Variants in P2RX3 observed in about 807,000 individuals in gnomAD.
P2RX3 encodes P2X purinoceptor 3.
P2RX3 carries 41 observed loss-of-function variants against 51.5 expected under a neutral mutation model. That is an observed-to-expected ratio of 0.80 (90% CI 0.62 to 1.03). The LOEUF is 1.03. P2RX3 is among the 50% of genes least tolerant of loss of function. The pLI, the probability that P2RX3 is intolerant of heterozygous loss-of-function variation, is 0.00. For missense variants in P2RX3, 459 were observed against 522.1 expected, an observed-to-expected ratio of 0.88 and a Z score of 1.18; for synonymous variants, 185 against 191.6, an observed-to-expected ratio of 0.97 and a Z score of 0.29.
rs180875063 is a variant in P2RX3, at chr11:57,371,301, C to A, written c.*1304C>A. Among the ~76,000 whole-genome samples, 89 of 152,354 alleles carry A rather than the reference C, an allele frequency of 5.8e-4. No homozygotes were observed. Among genetic ancestry groups the A allele is most frequent in the Admixed American group, 3.5e-3 (53 of 15,310 alleles). ...AGGTTTTGTGAATCCTAAGCATATA[C>A]AATTTGGGGGCATCTCTTTAGAAAG... On this transcript the variant is annotated 3_prime_UTR_variant, in exon 12 of 12. Coordinates refer to ENST00000263314, the MANE Select transcript of P2RX3 (RefSeq NM_002559.5).
At chr11:57,342,584 A>C (rs1272830831) in intron 1 of P2RX3, among the ~76,000 whole-genome samples, 1 of 152,040 alleles carries the variant, frequency 6.6e-6, no homozygotes, top group Non-Finnish European at 1.5e-5. Flanking sequence ...ACCAACTAGG[A>C]GAGGGCCTCC....
chr11:57,347,024 C>T, intron 2 of P2RX3, 92 bp from the exon 3 acceptor site: 1 of 1,324,648 alleles, frequency 7.5e-7, no homozygotes, highest in Non-Finnish European at 1.1e-6. Flanking sequence ...GCCTTGCTTT[C>T]CTCATCTGTA....
At position 57,346,541 on chromosome 11, in the gene P2RX3, C is replaced by T. The variant is rs779782043; in HGVS notation, c.120-3C>T. ...TCTCTTCATTTATGCTCTCCTGCCCCAGGTGGGTTTTCTTGCACGAGAAGG... is the reference window on the plus strand; with the variant it reads ...TCTCTTCATTTATGCTCTCCTGCCCTAGGTGGGTTTTCTTGCACGAGAAGG... On this transcript the variant is annotated splice_polypyrimidine_tract_variant and splice_region_variant and intron_variant, in intron 1 of 11. Coordinates refer to ENST00000263314, the MANE Select transcript of P2RX3 (RefSeq NM_002559.5). 3 of 1,614,002 alleles carry T rather than the reference C, an allele frequency of 1.9e-6. No individual in the cohort carries two copies. Among genetic ancestry groups the T allele is most frequent in the Non-Finnish European group, 2.5e-6 (3 of 1,179,960 alleles).
intron 1 of P2RX3, among the ~76,000 whole-genome samples, chr11:57,346,261 A>G (rs1856429394): frequency 6.6e-6 from 1 of 152,246 alleles, no homozygotes; most frequent in Non-Finnish European, 1.5e-5. Flanking sequence ...TGCATACAGT[A>G]CATAAACAGA....
intron 10 of P2RX3, among the ~76,000 whole-genome samples, chr11:57,368,845 T>G (rs1379173934): frequency 6.6e-6 from 1 of 152,154 alleles, no homozygotes; most frequent in Non-Finnish European, 1.5e-5. Flanking sequence ...GTCCTCTCTC[T>G]GTGCAGCTGT....
rs547176700 is a variant in P2RX3 at position 57,350,035 on chromosome 11, A to G, written c.705+137A>G. 8.1e-6 allele frequency: 11 copies of G among 1,353,830 alleles called. No individual in the cohort carries two copies. The East Asian group carries it at 1.8e-4, about 22-fold the overall frequency. 83.9% of individuals were successfully genotyped at this position (1,353,830 alleles called of 1,614,324 possible). On this transcript the variant is annotated intron_variant, in intron 7 of 11. Coordinates refer to ENST00000263314, the MANE Select transcript of P2RX3 (RefSeq NM_002559.5). Reference sequence around the variant, plus strand: ...CCTGGTGGAAGCATCCCAGGCCGCCACTGGCTTTGTGCCTGAATCCTTTCT... The same window carrying G: ...CCTGGTGGAAGCATCCCAGGCCGCCGCTGGCTTTGTGCCTGAATCCTTTCT...
chr11:57,350,938 C>A (rs376638991), intron 8 of P2RX3, 40 bp downstream of exon 8: 3 of 1,613,262 alleles, frequency 1.9e-6, no homozygotes, highest in Non-Finnish European at 1.7e-6. Context: ...GAAGAAGGTG[C>A]GGGCTGTTAA....
upstream of P2RX3, among the ~76,000 whole-genome samples, chr11:57,336,750 G>A (rs1313462344): frequency 6.6e-6 from 1 of 152,130 alleles, no homozygotes; most frequent in Non-Finnish European, 1.5e-5. Context: ...CCTACATGAA[G>A]ACATTAGTAC....
At chr11:57,352,629 GT>G in intron 8 of P2RX3, among the ~76,000 whole-genome samples, 1 of 152,288 alleles carries the variant, frequency 6.6e-6, no homozygotes, top group South Asian at 2.1e-4. Context: ...ATATCGTACA[GT>G]TTTAGAACAG....
intron 8 of P2RX3, among the ~76,000 whole-genome samples, chr11:57,358,359 A>G (rs1389359057): frequency 6.6e-6 from 1 of 152,228 alleles, no homozygotes; most frequent in African/African-American, 2.4e-5. Flanking sequence ...TTTGTGGCGA[A>G]TACAGAGATG....
chr11:57,367,268 C>T (rs1266718311), intron 8 of P2RX3, among the ~76,000 whole-genome samples: 2 of 152,136 alleles, frequency 1.3e-5, no homozygotes, highest in Non-Finnish European at 2.9e-5. Flanking sequence ...ACTGGCCCAA[C>T]GTTGCACAGT....
At chr11:57,367,963 G>A (rs1272548030) in intron 8 of P2RX3, 46 bp from the exon 9 acceptor site, 2 of 1,485,544 alleles carry the variant, frequency 1.3e-6, no homozygotes, top group Non-Finnish European at 1.9e-6. Flanking sequence ...TCAGGCAGGA[G>A]AGACAGGATC....
chr11:57,344,149 GA>G (rs1856391177), intron 1 of P2RX3, among the ~76,000 whole-genome samples: 1 of 152,220 alleles, frequency 6.6e-6, no homozygotes, highest in Non-Finnish European at 1.5e-5. Context: ...CGTTAATCAG[GA>G]TGCCGCCTGC....
chr11:57,355,416 C>A (rs1038347312), intron 8 of P2RX3, among the ~76,000 whole-genome samples: 2 of 145,114 alleles, frequency 1.4e-5, no homozygotes, highest in South Asian at 2.2e-4. Context: ...TCTCGGCTCA[C>A]TGCAACCTCT....
At chr11:57,355,639 C>T (rs1038463364) in intron 8 of P2RX3, among the ~76,000 whole-genome samples, 1 of 152,126 alleles carries the variant, frequency 6.6e-6, no homozygotes, top group Non-Finnish European at 1.5e-5. Context: ...CCACGCCTAG[C>T]CAGGTTATTT....
chr11:57,367,065 G>A (rs370572558), intron 8 of P2RX3, among the ~76,000 whole-genome samples: 4 of 151,496 alleles, frequency 2.6e-5, no homozygotes, highest in South Asian at 4.1e-4. Context: ...TAGTCTGAAA[G>A]CACCTTTCAA....
intron 8 of P2RX3, among the ~76,000 whole-genome samples, chr11:57,367,296 A>G (rs1253000566): frequency 6.6e-6 from 1 of 152,254 alleles, no homozygotes; most frequent in African/African-American, 2.4e-5. Context: ...CGGCAGAGCC[A>G]GGCTTTGAGC....
chr11:57,350,933 A>AGGTGCG, intron 8 of P2RX3, 35 bp downstream of exon 8: 1 of 1,613,782 alleles, frequency 6.2e-7, no homozygotes, highest in Non-Finnish European at 8.5e-7. Context: ...CAGGAGAAGA[A>AGGTGCG]GGTGCGGGCT....
chr11:57,368,148 C>G (rs1478707313), intron 9 of P2RX3, 46 bp downstream of exon 9: 2 of 1,574,770 alleles, frequency 1.3e-6, no homozygotes, highest in Non-Finnish European at 1.7e-6. Context: ...GGAGGCAGCC[C>G]AGACCACCTC....
Sources: allele counts gnomAD v4.1 joint callset (sites outside exome capture counted in the v4.1 genomes callset), GRCh38; gene constraint gnomAD v4.1.1; transcripts MANE v1.5; gene names NCBI Gene and HGNC (gene_info 2026-07-23, HGNC 2026-07-21).